Variants in ABCC9 observed in about 807,000 individuals in gnomAD.
ABCC9 encodes ATP binding cassette subfamily C member 9, also known as ATP-binding cassette sub-family C member 9.
In ABCC9, 95 loss-of-function variants were observed where a neutral mutation model predicts 188.3. The observed-to-expected ratio is 0.50, with a 90% CI of 0.43 to 0.60. The LOEUF (loss-of-function observed/expected upper bound fraction) is 0.60. Among genes scored for constraint, ABCC9 ranks in the 20% least tolerant of loss-of-function variants. The pLI is 0.00. For synonymous variants in ABCC9, 659 were observed against 652.7 expected (o/e 1.01, Z -0.15); for missense variants, 1,102 against 1,876.3 (o/e 0.59, Z 7.62).
At chr12:21,869,392 G>A (rs1035961394) in intron 18 of ABCC9, among the ~76,000 whole-genome samples, 15 of 152,206 alleles carry the variant, frequency 9.9e-5, no homozygotes, top group East Asian at 7.7e-4. Flanking sequence ...ATGGTTTCCC[G>A]CACTTTCCCT....
chr12:21,929,236 A>G (rs1949175609), intron 4 of ABCC9, among the ~76,000 whole-genome samples: 2 of 151,972 alleles, frequency 1.3e-5, no homozygotes, highest in South Asian at 2.1e-4. Context: ...TTATAAAATA[A>G]TGAAGTATTT....
Position 21,891,353 on chromosome 12 carries a change from G to A in ABCC9, c.1802+2679C>T, listed in dbSNP as rs576278277. Reference sequence around the variant, plus strand: ...TAAAAAAGAAATCACTCTTCTTCGAGCATTTTATTATTTTAGATAATAGTT... The same window carrying A: ...TAAAAAAGAAATCACTCTTCTTCGAACATTTTATTATTTTAGATAATAGTT... On this transcript the variant is annotated intron_variant, in intron 14 of 39. Transcript: ENST00000261200. Among the ~76,000 whole-genome samples, 3 of 152,112 alleles carry A rather than the reference G, an allele frequency of 2.0e-5. No individual in the cohort carries two copies. In the South Asian group the frequency reaches 6.2e-4, roughly 32 times the overall value.
At position 21,933,838 on chromosome 12, in the gene ABCC9, T is replaced by C; in HGVS notation, c.228A>G (p.Thr76=). ...AGACATGCACAAACAGGAGAGCGAA[T>C]GTAAGAATCCATCTCAGGTTATGTC... The part of the protein sequence containing the change: ...FPGHNLRWIL[T]FALLFVHVCE... Residue 76 remains threonine (T), a synonymous_variant, in exon 4 of 40, where the codon ACA becomes ACG. Transcript: ENST00000261200. 6.2e-7 allele frequency: 1 copy of C among 1,613,648 alleles called. No homozygotes were observed. The highest frequency in any genetic ancestry group is 1.1e-5 in the South Asian group (1 of 91,066).
chr12:21,935,324 G>A (rs546249336), intron 3 of ABCC9, among the ~76,000 whole-genome samples: 28 of 152,204 alleles, frequency 1.8e-4, no homozygotes, highest in Non-Finnish European at 3.2e-4. Flanking sequence ...TCTACATATG[G>A]CCATTCTGGT....
At chr12:21,920,488 G>A (rs1948768613) in intron 5 of ABCC9, among the ~76,000 whole-genome samples, 1 of 151,762 alleles carries the variant, frequency 6.6e-6, no homozygotes. Context: ...ATTTGATACA[G>A]GTATGCAATG....
At chr12:21,855,511 C>T (rs891883284) in intron 22 of ABCC9, among the ~76,000 whole-genome samples, 4 of 152,028 alleles carry the variant, frequency 2.6e-5, no homozygotes, top group Non-Finnish European at 4.4e-5. Flanking sequence ...TGTGAGCCAC[C>T]GCACCCAGCC....
At position 21,853,454 on chromosome 12, in the gene ABCC9, T is replaced by C. The variant is rs1945070439; in HGVS notation, c.2506-949A>G. 3.3e-5 allele frequency among the ~76,000 whole-genome samples: 5 copies of C among 151,958 alleles called. No homozygotes were observed. In the South Asian group the frequency reaches 1.0e-3, roughly 32 times the overall value. ...ATGGTAGTGGGTATATAATTTACAT[T>C]GTTAGCTATTATTATTATTATTATA... is the stretch of plus-strand genomic sequence containing the variant. On this transcript the variant is annotated intron_variant, in intron 22 of 39. Transcript: ENST00000261200.
At chr12:21,873,625 G>A (rs1039316601) in intron 17 of ABCC9, among the ~76,000 whole-genome samples, 3 of 152,100 alleles carry the variant, frequency 2.0e-5, no homozygotes, top group African/African-American at 7.2e-5. Context: ...TAAGAAAGCA[G>A]AGCAAAGCTG....
chr12:21,837,150 A>C (rs892836112), intron 30 of ABCC9, among the ~76,000 whole-genome samples: 1 of 152,210 alleles, frequency 6.6e-6, no homozygotes, highest in Non-Finnish European at 1.5e-5. Context: ...TAGAATATAA[A>C]TTTCATGTTA....
intron 22 of ABCC9, among the ~76,000 whole-genome samples, chr12:21,856,831 C>T (rs950012120): frequency 6.6e-6 from 1 of 152,018 alleles, no homozygotes; most frequent in African/African-American, 2.4e-5. Flanking sequence ...GAAAATACAG[C>T]AATAATTTCA....
At chr12:21,914,599 A>T (rs1948457447) in intron 7 of ABCC9, among the ~76,000 whole-genome samples, 1 of 152,150 alleles carries the variant, frequency 6.6e-6, no homozygotes, top group Non-Finnish European at 1.5e-5. Context: ...TATAACAAAC[A>T]TATTATGCTT....
intron 3 of ABCC9, among the ~76,000 whole-genome samples, chr12:21,934,875 A>T (rs1312022652): frequency 1.3e-5 from 2 of 152,074 alleles, no homozygotes; most frequent in Non-Finnish European, 2.9e-5. Flanking sequence ...TTTTCAATTT[A>T]TTCATCATTG....
At position 21,915,803 on chromosome 12, in the gene ABCC9, T is replaced by C; in HGVS notation, c.681A>G (p.Thr227=). ...QPFVNLLSKA[T]YWWMNTLIIS... Reference sequence around the variant, plus strand: ...TAATAAGTGTGTTCATCCACCAGTATGTTGCTTTTGACAGCAAATTCACAA... The same window carrying C: ...TAATAAGTGTGTTCATCCACCAGTACGTTGCTTTTGACAGCAAATTCACAA... The change falls in exon 7 of 40, where the codon ACA becomes ACG. Residue 227 remains threonine, a synonymous_variant. Coordinates refer to ENST00000261200, the MANE Select transcript of ABCC9 (RefSeq NM_020297.4). 6.2e-7 allele frequency: 1 copy of C among 1,613,604 alleles called. No individual in the cohort carries two copies. Among genetic ancestry groups the C allele is most frequent in the Non-Finnish European group, 8.5e-7 (1 of 1,179,838 alleles).
intron 12 of ABCC9, among the ~76,000 whole-genome samples, chr12:21,902,669 A>C (rs952534894): frequency 1.3e-5 from 2 of 152,230 alleles, no homozygotes; most frequent in African/African-American, 4.8e-5. Context: ...AAACACCTCT[A>C]TGCAAATAAA....
Position 21,910,810 on chromosome 12 carries a change from C to G in ABCC9, c.1164+16G>C. 1.2e-6 allele frequency: 2 copies of G among 1,601,798 alleles called. No individual in the cohort carries two copies. The highest frequency in any genetic ancestry group is 1.7e-6 in the Non-Finnish European group (2 of 1,169,232). On this transcript the variant is annotated intron_variant, in intron 9 of 39. Transcript: ENST00000261200. Reference sequence around the variant, plus strand: ...GCATTCTTAGGAAACAAATAGTATTCACAGCCTTTACATACCAGCAGAGCT... The same window carrying G: ...GCATTCTTAGGAAACAAATAGTATTGACAGCCTTTACATACCAGCAGAGCT...
intron 4 of ABCC9, among the ~76,000 whole-genome samples, chr12:21,926,646 A>G (rs1949056907): frequency 6.6e-6 from 1 of 152,238 alleles, no homozygotes; most frequent in Admixed American, 6.5e-5. Context: ...CATAGAGTGC[A>G]CGTCTGGGAC....
At chr12:21,894,226 G>GCGTA (rs773429087) in intron 13 of ABCC9, 52 bp from the exon 14 acceptor site, 2 of 1,596,142 alleles carry the variant, frequency 1.3e-6, no homozygotes, top group Non-Finnish European at 8.6e-7. Context: ...TGTCACACAT[G>GCGTA]CGTACATTCA....
intron 5 of ABCC9, chr12:21,923,386 A>G (rs1948914753): frequency 6.6e-6 from 1 of 151,176 alleles, no homozygotes; most frequent in South Asian, 2.1e-4. Context: ...TTATCAAAAC[A>G]TGTAACTGAT....
intron 30 of ABCC9, among the ~76,000 whole-genome samples, chr12:21,832,911 G>C (rs1185841915): frequency 1.3e-5 from 2 of 152,134 alleles, no homozygotes; most frequent in Non-Finnish European, 2.9e-5. Context: ...AGAAAATGTG[G>C]TATATATACA....
Sources: gnomAD v4.1 joint callset for allele counts (sites outside exome capture counted in the v4.1 genomes callset) on GRCh38, gnomAD v4.1.1 for gene constraint, MANE v1.5 for transcripts, NCBI Gene and HGNC (gene_info 2026-07-23, HGNC 2026-07-21) for gene names.